The following ROBO2 variants were observed in gnomAD, a reference collection of about 807,000 sequenced individuals.
The protein encoded by ROBO2 is roundabout homolog 2.
A neutral mutation model predicts 160.8 loss-of-function variants in ROBO2; 53 were observed. The ratio of observed to expected loss-of-function variants is 0.33; its 90% confidence interval spans 0.26 to 0.41. ROBO2 has a LOEUF of 0.41. ROBO2 is among the 10% of genes least tolerant of loss of function. The pLI is 1.00. For synonymous variants in ROBO2, 664 were observed against 611.7 expected (o/e 1.09, Z -1.26); for missense variants, 1,577 against 1,722.4 (o/e 0.92, Z 1.49).
chr3:76,238,552 C>T (rs1705095620), intron 2 of ROBO2, among the ~76,000 whole-genome samples: 1 of 151,670 alleles, frequency 6.6e-6, no homozygotes, highest in Non-Finnish European at 1.5e-5. Context: ...CCCCAGGTCT[C>T]CCCCTAGACA....
intron 2 of ROBO2, among the ~76,000 whole-genome samples, chr3:77,271,632 TC>T (rs1346793791): frequency 6.6e-6 from 1 of 152,190 alleles, no homozygotes; most frequent in Non-Finnish European, 1.5e-5. Context: ...TTTTTAATTG[TC>T]CCTGTACAAA....
chr3:77,215,137 G>A (rs1191277099), intron 2 of ROBO2, among the ~76,000 whole-genome samples: 1 of 152,136 alleles, frequency 6.6e-6, no homozygotes. Flanking sequence ...GCCTTGCTGG[G>A]TTGGGGAAGT....
intron 2 of ROBO2, among the ~76,000 whole-genome samples, chr3:76,078,129 T>C (rs980827654): frequency 3.3e-5 from 5 of 152,200 alleles, no homozygotes; most frequent in African/African-American, 1.2e-4. Flanking sequence ...ATTCATATGA[T>C]AGAGTTTGGT....
At chr3:77,188,768 C>T (rs9852092) in intron 2 of ROBO2, among the ~76,000 whole-genome samples, 402 of 151,906 alleles carry the variant, frequency 2.6e-3, no homozygotes, top group African/African-American at 5.3e-3. Flanking sequence ...TTATGAAAAT[C>T]GGCCACTAGA....
intron 2 of ROBO2, among the ~76,000 whole-genome samples, chr3:76,141,102 G>A (rs2071626529): frequency 2.6e-5 from 1 of 38,032 alleles, no homozygotes; most frequent in Non-Finnish European, 5.5e-5. Context: ...GGGTTTATAG[G>A]TATGAGCTAC....
chr3:76,665,944 A>ATACATATT (rs1348352799), intron 2 of ROBO2, among the ~76,000 whole-genome samples: 7 of 137,826 alleles, frequency 5.1e-5, no homozygotes, highest in Non-Finnish European at 3.1e-5. Context: ...CATATAATAT[A>ATACATATT]TTATATATAA....
At chr3:77,226,128 C>A (rs2086469540) in intron 2 of ROBO2, among the ~76,000 whole-genome samples, 1 of 151,808 alleles carries the variant, frequency 6.6e-6, no homozygotes, top group East Asian at 1.9e-4. Context: ...GAATGTTATA[C>A]CCACAAAACA....
intron 2 of ROBO2, among the ~76,000 whole-genome samples, chr3:76,318,959 T>A (rs2072279817): frequency 6.6e-6 from 1 of 152,128 alleles, no homozygotes; most frequent in Non-Finnish European, 1.5e-5. Flanking sequence ...CAATCAAGAC[T>A]GGGGATATTT....
At chr3:76,051,265 A>ATG (rs140342638) in intron 2 of ROBO2, among the ~76,000 whole-genome samples, 1 of 19,728 alleles carries the variant, frequency 5.1e-5, no homozygotes, top group Middle Eastern at 0.038. Context: ...GTACTTTGAT[A>ATG]TGTCACTATG....
intron 2 of ROBO2, among the ~76,000 whole-genome samples, chr3:76,133,285 T>C (rs561517743): frequency 9.2e-5 from 14 of 152,176 alleles, no homozygotes; most frequent in African/African-American, 3.1e-4. Context: ...GTTTGGATTG[T>C]ATTCTTCCCA....
chr3:76,014,999 G>C (rs1415362201), intron 2 of ROBO2, among the ~76,000 whole-genome samples: 3 of 152,078 alleles, frequency 2.0e-5, no homozygotes, highest in Non-Finnish European at 4.4e-5. Context: ...TCAATAACTT[G>C]AGCTAATATC....
chr3:76,590,380 A>G (rs566680693), intron 2 of ROBO2, among the ~76,000 whole-genome samples: 1 of 152,156 alleles, frequency 6.6e-6, no homozygotes, highest in Non-Finnish European at 1.5e-5. Context: ...ATTTATACGT[A>G]TAATTATTTA....
intron 2 of ROBO2, among the ~76,000 whole-genome samples, chr3:76,192,536 AC>A (rs1486040579): frequency 2.5e-4 from 33 of 130,048 alleles, no homozygotes; most frequent in Admixed American, 8.6e-5. Context: ...ACACACACAC[AC>A]ACACACACAC....
chr3:76,642,438 T>C (rs2090737520), intron 2 of ROBO2, among the ~76,000 whole-genome samples: 1 of 143,032 alleles, frequency 7.0e-6, no homozygotes. Context: ...CTGCAAATTC[T>C]GCCTCCCGGG....
intron 2 of ROBO2, among the ~76,000 whole-genome samples, chr3:77,274,832 A>T (rs1382731080): frequency 6.6e-6 from 1 of 152,136 alleles, no homozygotes; most frequent in Non-Finnish European, 1.5e-5. Context: ...AAGAGATGTA[A>T]CATAGTCCAT....
At chr3:76,765,660 T>C (rs2061539302) in intron 2 of ROBO2, among the ~76,000 whole-genome samples, 1 of 151,676 alleles carries the variant, frequency 6.6e-6, no homozygotes, top group African/African-American at 2.4e-5. Context: ...AAAGCCCAGC[T>C]GAGCTCCCAA....
intron 4 of ROBO2, among the ~76,000 whole-genome samples, chr3:77,481,531 C>T (rs1186633490): frequency 6.6e-6 from 1 of 152,132 alleles, no homozygotes; most frequent in African/African-American, 2.4e-5. Flanking sequence ...ACTCATTCAA[C>T]TCTCATGCAT....
chr3:76,963,850 GAAAAA>G (rs1252257358), intron 2 of ROBO2, among the ~76,000 whole-genome samples: 1 of 110,314 alleles, frequency 9.1e-6, no homozygotes, highest in Admixed American at 8.7e-5. Context: ...AAAAAAAAAA[GAAAAA>G]AAAGAAAAAA....
chr3:77,557,588 C>A (rs1053975661), intron 8 of ROBO2, among the ~76,000 whole-genome samples: 1 of 148,266 alleles, frequency 6.7e-6, no homozygotes. Context: ...TCATAGGTGA[C>A]TGACTGCCAT....
Sources: gnomAD v4.1 joint callset for allele counts (sites outside exome capture counted in the v4.1 genomes callset) on GRCh38, gnomAD v4.1.1 for gene constraint, MANE v1.5 for transcripts, NCBI Gene and HGNC (gene_info 2026-07-23, HGNC 2026-07-21) for gene names.